Variants in SH3YL1 observed in about 807,000 individuals in gnomAD.
SH3YL1 encodes the protein SH3 and SYLF domain containing 1.
A neutral mutation model predicts 45.8 loss-of-function variants in SH3YL1; 41 were observed. The ratio of observed to expected loss-of-function variants is 0.89; its 90% CI spans 0.70 to 1.16. The LOEUF (loss-of-function observed/expected upper bound fraction) is 1.16, where lower values mean the gene tolerates loss of function less well. SH3YL1 is among the 50% of genes most tolerant of loss of function. The pLI is 0.00. For missense variants in SH3YL1, 389 were observed against 409.6 expected, an observed-to-expected ratio of 0.95 and a Z score of 0.43; for synonymous variants, 152 against 151.4, an observed-to-expected ratio of 1.00 and a Z score of -0.03.
intron 1 of SH3YL1, among the ~76,000 whole-genome samples, chr2:258,755 T>C (rs903333281): frequency 2.6e-5 from 4 of 152,186 alleles, no homozygotes; most frequent in Admixed American, 2.6e-4. Flanking sequence ...GCTGTCTCCA[T>C]TGTGGCTGTT....
chr2:257,546 C>G (rs1192204405), intron 1 of SH3YL1, among the ~76,000 whole-genome samples: 1 of 152,218 alleles, frequency 6.6e-6, no homozygotes, highest in Non-Finnish European at 1.5e-5. Context: ...ATACTTCAAC[C>G]ACTCATACAC....
At chr2:247,925 T>G (rs1286458658) in intron 3 of SH3YL1, among the ~76,000 whole-genome samples, 1 of 152,194 alleles carries the variant, frequency 6.6e-6, no homozygotes, top group Non-Finnish European at 1.5e-5. Context: ...ACTTCAACTG[T>G]CAATATTTTT....
At chr2:237,238 G>A (rs1489961897) in intron 4 of SH3YL1, among the ~76,000 whole-genome samples, 1 of 151,752 alleles carries the variant, frequency 6.6e-6, no homozygotes, top group Non-Finnish European at 1.5e-5. Context: ...GTTAAGTAAG[G>A]CCAAGCTATG....
In SH3YL1 at chr2:249,718, G is replaced by T; in HGVS notation, c.226+13C>A. The T allele has an allele frequency of 6.5e-7, 1 of 1,536,414 alleles. No homozygotes were observed. The highest frequency in any genetic ancestry group is 8.8e-7 in the Non-Finnish European group (1 of 1,133,094). On this transcript the variant is annotated intron_variant, in intron 3 of 9. Transcript: ENST00000356150. ...TGAAGACTCTCTACTCCAGTGAACAGACGCCAACTTACTTCCATCTGGAAG... is the reference window on the plus strand; with the variant it reads ...TGAAGACTCTCTACTCCAGTGAACATACGCCAACTTACTTCCATCTGGAAG...
intron 1 of SH3YL1, chr2:259,903 T>C (rs918228393): frequency 6.6e-6 from 1 of 151,960 alleles, no homozygotes; most frequent in African/African-American, 2.4e-5. Flanking sequence ...CCAGGAATTA[T>C]AGAATTTTTT....
At position 218,820 on chromosome 2, in the gene SH3YL1, G is replaced by C; in HGVS notation, c.1020C>G (p.Thr340=). 1.9e-6 allele frequency: 3 copies of C among 1,611,044 alleles called. No homozygotes were observed. Among genetic ancestry groups the C allele is most frequent in the Non-Finnish European group, 2.5e-6 (3 of 1,178,218 alleles). Reference sequence around the variant, plus strand: ...GAAAATAGTATACGCTTTAATTCATGGTTACGTAGTTGGCTGGAAAAATGC... The same window carrying C: ...GAAAATAGTATACGCTTTAATTCATCGTTACGTAGTTGGCTGGAAAAATGC... The part of the protein sequence containing the change: ...QTGIFPANYV[T]MN Residue 340 remains threonine (T), a synonymous_variant, in exon 10 of 10, where the codon ACC becomes ACG. Transcript: ENST00000356150.
In SH3YL1 at chr2:249,840, G is replaced by A. The variant is rs772111875; in HGVS notation, c.117C>T (p.His39=). Residue 39 remains histidine (H), a synonymous_variant, in exon 3 of 10, where the codon CAC becomes CAT. Transcript: ENST00000356150. ...CAAGGCCTTTAGCCTTCGCAATTAC[G>A]TGAGCTGTTAACGTGGAAAACAATG... is the stretch of plus-strand genomic sequence containing the variant. The part of the protein sequence containing the change: ...RNGPDKIIPA[H]VIAKAKGLAI... 9.0e-6 allele frequency: 14 copies of A among 1,549,838 alleles called. No homozygotes were observed. Among genetic ancestry groups the A allele is most frequent in the African/African-American group, 2.7e-5 (2 of 72,978 alleles).
chr2:247,744 T>A (rs1002101614), intron 3 of SH3YL1, 142 bp from the exon 4 acceptor site: 1 of 627,956 alleles, frequency 1.6e-6, no homozygotes, highest in African/African-American at 1.8e-5. Flanking sequence ...TAAAGTGATC[T>A]TCAAAAAGAA....
At chr2:259,042 C>T (rs1221871933) in intron 1 of SH3YL1, among the ~76,000 whole-genome samples, 1 of 152,174 alleles carries the variant, frequency 6.6e-6, no homozygotes, top group Non-Finnish European at 1.5e-5. Flanking sequence ...TCTGGGTGCC[C>T]CCTCCTTGTC....
Position 218,476 on chromosome 2 carries a change from C to G in SH3YL1, c.*335G>C, listed in dbSNP as rs1046207. 0.036 allele frequency: 6,881 copies of G among 190,644 alleles called. 173 individuals are homozygous for G. The highest frequency in any genetic ancestry group is 0.054 in the Admixed American group (901 of 16,746). The allele number at this position is 190,644 out of a possible 1,614,324, so 11.8% of individuals were successfully genotyped here. On this transcript the variant is annotated 3_prime_UTR_variant, in exon 10 of 10. Coordinates refer to ENST00000356150, the MANE Select transcript of SH3YL1 (RefSeq NM_015677.4). Reference sequence around the variant, plus strand: ...GAAATGTAAGAATTGAAATTTGTGGCTCTACCCTCAAGATTCTCAAATTAA... The same window carrying G: ...GAAATGTAAGAATTGAAATTTGTGGGTCTACCCTCAAGATTCTCAAATTAA...
chr2:219,125 C>G, intron 9 of SH3YL1, 124 bp from the exon 10 acceptor site: 1 of 612,364 alleles, frequency 1.6e-6, no homozygotes, highest in Non-Finnish European at 2.7e-6. Context: ...CTGGCAGAAA[C>G]CACAACAGTC....
chr2:235,456 A>G (rs36135667), intron 4 of SH3YL1, among the ~76,000 whole-genome samples: 109 of 13,752 alleles, frequency 7.9e-3, no homozygotes, highest in Non-Finnish European at 9.2e-3. Flanking sequence ...AGGGGAGGCA[A>G]CAGCATGGGC....
At chr2:237,274 T>A (rs1187647554) in intron 4 of SH3YL1, among the ~76,000 whole-genome samples, 1 of 151,858 alleles carries the variant, frequency 6.6e-6, no homozygotes, top group Non-Finnish European at 1.5e-5. Context: ...AAAAACAAAG[T>A]CTTTTGATTT....
At chr2:249,245 T>A (rs981024168) in intron 3 of SH3YL1, among the ~76,000 whole-genome samples, 1 of 152,216 alleles carries the variant, frequency 6.6e-6, no homozygotes, top group Non-Finnish European at 1.5e-5. Context: ...TAAAACTCGA[T>A]GATACTGCTC....
intron 4 of SH3YL1, among the ~76,000 whole-genome samples, chr2:237,823 A>C (rs1668370849): frequency 6.6e-6 from 1 of 151,034 alleles, no homozygotes; most frequent in Admixed American, 6.6e-5. Flanking sequence ...CTATAAATCA[A>C]AAAAAAAATT....
chr2:220,928 T>C (rs1214130330), intron 9 of SH3YL1, among the ~76,000 whole-genome samples: 13 of 152,242 alleles, frequency 8.5e-5, no homozygotes, highest in Non-Finnish European at 1.0e-4. Flanking sequence ...CATGCATTTA[T>C]ACACTTGCAG....
chr2:243,497 A>G (rs753689856), intron 4 of SH3YL1: 2 of 1,532,422 alleles, frequency 1.3e-6, no homozygotes, highest in East Asian at 2.5e-5. Flanking sequence ...TGAAGACACA[A>G]CATACCCACA....
intron 8 of SH3YL1, among the ~76,000 whole-genome samples, chr2:225,135 T>A: frequency 6.6e-6 from 1 of 152,318 alleles, no homozygotes; most frequent in South Asian, 2.1e-4. Flanking sequence ...ATACCTGACA[T>A]CTGTATGACA....
At chr2:227,139 G>C (rs1285467989) in intron 8 of SH3YL1, among the ~76,000 whole-genome samples, 1 of 152,028 alleles carries the variant, frequency 6.6e-6, no homozygotes, top group African/African-American at 2.4e-5. Context: ...GAGTATATAT[G>C]GTTAGGATTG....
Sources: gnomAD v4.1 joint callset for allele counts (sites outside exome capture counted in the v4.1 genomes callset) on GRCh38, gnomAD v4.1.1 for gene constraint, MANE v1.5 for transcripts, NCBI Gene and HGNC (gene_info 2026-07-23, HGNC 2026-07-21) for gene names.